CUX2: variants seen among roughly 807,000 people sequenced by gnomAD.
CUX2 encodes homeobox protein cut-like 2.
A neutral mutation model predicts 144.8 loss-of-function variants in CUX2; 40 were observed. The ratio of observed to expected loss-of-function variants is 0.28; its 90% CI spans 0.21 to 0.36. CUX2 has a LOEUF of 0.36. Ranked by LOEUF, CUX2 falls within the 10% of genes least tolerant of loss-of-function variation. The pLI is 1.00. For missense variants in CUX2, 1,615 were observed against 1,994.0 expected, an observed-to-expected ratio of 0.81 and a Z score of 3.62; for synonymous variants, 827 against 875.6, an observed-to-expected ratio of 0.94 and a Z score of 0.98.
chr12:111,112,602 G>T (rs1874042941), intron 1 of CUX2, among the ~76,000 whole-genome samples: 1 of 152,090 alleles, frequency 6.6e-6, no homozygotes. Context: ...TGTGTGCTTT[G>T]GGGACCTAAT....
In CUX2 at chr12:111,310,147, G is replaced by A. The variant is rs761817190; in HGVS notation, c.1365G>A (p.Leu455=). 13 of 1,539,364 alleles carry A rather than the reference G, an allele frequency of 8.4e-6. No individual in the cohort carries two copies. The highest frequency in any genetic ancestry group is 1.1e-5 in the Non-Finnish European group (13 of 1,144,146). The part of the protein sequence containing the change: ...LPPPPGPEDP[L]SPSPGQPLLG... Reference sequence around the variant, plus strand: ...CTCCACCAGGGCCAGAAGACCCCCTGTCTCCCAGCCCCGGGCAGCCCCTGC... The same window carrying A: ...CTCCACCAGGGCCAGAAGACCCCCTATCTCCCAGCCCCGGGCAGCCCCTGC... Residue 455 remains leucine (L), a synonymous_variant, in exon 15 of 22, where the codon CTG becomes CTA. Transcript: ENST00000261726. The surrounding 1 kb of genome is among the most constrained non-coding windows in gnomAD (Gnocchi z 7.9).
intron 1 of CUX2, among the ~76,000 whole-genome samples, chr12:111,172,084 C>T (rs1011953769): frequency 6.6e-6 from 1 of 151,254 alleles, no homozygotes; most frequent in Non-Finnish European, 1.5e-5. Flanking sequence ...TGCACCTGTG[C>T]GTATGCATGT....
chr12:111,054,836 A>C (rs1870443059), intron 1 of CUX2, among the ~76,000 whole-genome samples: 1 of 152,206 alleles, frequency 6.6e-6, no homozygotes, highest in African/African-American at 2.4e-5. Context: ...CATGTTGGCC[A>C]GGCTGGTCTT....
intron 4 of CUX2, among the ~76,000 whole-genome samples, chr12:111,286,685 C>T (rs753130423): frequency 6.6e-6 from 1 of 152,066 alleles, no homozygotes; most frequent in Non-Finnish European, 1.5e-5. Context: ...CCAGCCTGGC[C>T]AACATGATGA....
At chr12:111,252,854 G>C (rs116342218) in intron 3 of CUX2, among the ~76,000 whole-genome samples, 1,928 of 151,178 alleles carry the variant, frequency 0.013, 48 homozygotes, top group African/African-American at 0.044. Context: ...ATGAGCCCAG[G>C]AGTTCCAGAC....
intron 1 of CUX2, among the ~76,000 whole-genome samples, chr12:111,086,877 T>G (rs1269015715): frequency 6.6e-6 from 1 of 151,972 alleles, no homozygotes; most frequent in Non-Finnish European, 1.5e-5. Context: ...GGCTACCCTG[T>G]GCAACATAGC....
In CUX2 at chr12:111,289,740, A is replaced by T. The variant is rs552582156; in HGVS notation, c.302-1678A>T. ...TAGATGTGTGTTTTGCCCCCGAAAA[A>T]GTCCTTAACCAACAACGTGTGTCAC... On this transcript the variant is annotated intron_variant, in intron 4 of 21. Coordinates refer to ENST00000261726, the MANE Select transcript of CUX2 (RefSeq NM_015267.4). This position sits in a 1 kb window ranked among gnomAD's most constrained non-coding sequence, Gnocchi z 4.1. Among the ~76,000 whole-genome samples the T allele has an allele frequency of 1.3e-5, 2 of 152,058 alleles. No homozygotes were observed. Among genetic ancestry groups the T allele is most frequent in the East Asian group, 1.9e-4 (1 of 5,150 alleles).
intron 4 of CUX2, among the ~76,000 whole-genome samples, chr12:111,278,637 C>G (rs543766805): frequency 6.6e-6 from 1 of 152,286 alleles, no homozygotes; most frequent in South Asian, 2.1e-4. Context: ...CAGAGCAGGA[C>G]CCAGGGAAGG....
rs1177653286 is a variant in CUX2 at position 111,263,616 on chromosome 12, C to G, written c.223-145C>G. 1.4e-6 allele frequency: 1 copy of G among 712,012 alleles called. No homozygotes were observed. The allele number at this position is 712,012 out of a possible 1,614,324, so 44.1% of individuals were successfully genotyped here. On this transcript the variant is annotated intron_variant, in intron 3 of 21. Transcript: ENST00000261726. This position sits in a 1 kb window ranked among gnomAD's most constrained non-coding sequence, Gnocchi z 4.0. ...CTCCAGCCTGGGCGACAGAGCAAGA[C>G]TCTCTCTCAAAAACAAAACAAAACA...
At chr12:111,073,212 C>T (rs1871332501) in intron 1 of CUX2, among the ~76,000 whole-genome samples, 1 of 150,624 alleles carries the variant, frequency 6.6e-6, no homozygotes, top group African/African-American at 2.5e-5. Flanking sequence ...AGGGTGAACC[C>T]TGTGCCCACT....
chr12:111,070,824 G>A lies in CUX2; in HGVS notation c.63+36584G>A, dbSNP rs61439682. Among the ~76,000 whole-genome samples, 1,233 of 152,184 alleles carry A rather than the reference G, an allele frequency of 8.1e-3. 18 individuals carry two copies. Among genetic ancestry groups the A allele is most frequent in the African/African-American group, 0.029 (1,191 of 41,494 alleles). On this transcript the variant is annotated intron_variant, in intron 1 of 21. Coordinates refer to ENST00000261726, the MANE Select transcript of CUX2 (RefSeq NM_015267.4). ...ACCCTCTTACTGTCTCCATAGTTTT[G>A]CCTTTTCCAGAATTCCATATAGTTG...
chr12:111,130,973 A>G (rs773846497), intron 1 of CUX2, among the ~76,000 whole-genome samples: 37 of 152,212 alleles, frequency 2.4e-4, no homozygotes, highest in Non-Finnish European at 4.7e-4. Context: ...CATGTTCCCC[A>G]GATTTCTATC....
chr12:111,229,720 CAA>C (rs566074339), intron 3 of CUX2, among the ~76,000 whole-genome samples: 3 of 146,344 alleles, frequency 2.0e-5, no homozygotes, highest in Non-Finnish European at 3.0e-5. Flanking sequence ...TTGGTCTCTA[CAA>C]AAAAAAAAGT....
chr12:111,320,122 C>G lies in CUX2; in HGVS notation c.2113C>G (p.Gln705Glu). The change falls in exon 17 of 22, where the codon CAG becomes GAG. Residue 705 changes from glutamine (Q) to glutamate (E), a missense_variant. Gln to Glu is a conservative substitution (Grantham distance 29, BLOSUM62 2). This residue lies in a region of CUX2 where 390 missense variants were observed against 387.1 expected (regional missense o/e 1.01). Transcript: ENST00000261726. The surrounding 1 kb of genome is among the most constrained non-coding windows in gnomAD (Gnocchi z 8.1). ...CCTGGAGCAGGCACGCCGTGAGATG[C>G]AGGCGCAACAGCAGGCGCTGCTGGA... The part of the protein sequence containing the change: ...SILEQARREM[Q>E]AQQQALLEME... 6.4e-7 allele frequency: 1 copy of G among 1,556,610 alleles called. No homozygotes were observed. The highest frequency in any genetic ancestry group is 8.7e-7 in the Non-Finnish European group (1 of 1,154,500).
intron 14 of CUX2, 94 bp from the exon 15 acceptor site, chr12:111,309,947 C>G (rs1398947059): frequency 2.7e-6 from 3 of 1,118,982 alleles, no homozygotes; most frequent in Admixed American, 4.0e-5. Context: ...CTCTCTGTCT[C>G]TCTCCCCCTC....
At chr12:111,073,185 C>T in intron 1 of CUX2, among the ~76,000 whole-genome samples, 1 of 150,536 alleles carries the variant, frequency 6.6e-6, no homozygotes, top group East Asian at 1.9e-4. Context: ...CCAGTCACTA[C>T]CAACCACCCA....
At chr12:111,188,540 A>G (rs763379770) in intron 1 of CUX2, among the ~76,000 whole-genome samples, 1 of 152,136 alleles carries the variant, frequency 6.6e-6, no homozygotes, top group Non-Finnish European at 1.5e-5. Flanking sequence ...GGAAAAATCT[A>G]GGGAGAAAGA....
At chr12:111,334,823 C>G (rs1888274493) in intron 19 of CUX2, 113 bp downstream of exon 19, 1 of 1,194,464 alleles carries the variant, frequency 8.4e-7, no homozygotes, top group African/African-American at 1.5e-5. Flanking sequence ...AATTCCAGTG[C>G]TTTGGGAGGC....
At chr12:111,114,258 T>C (rs1035131978) in intron 1 of CUX2, among the ~76,000 whole-genome samples, 8 of 151,102 alleles carry the variant, frequency 5.3e-5, no homozygotes, top group Admixed American at 2.6e-4. Flanking sequence ...GATATTATCA[T>C]TTTTTTTTCT....
Sources: allele counts gnomAD v4.1 joint callset (sites outside exome capture counted in the v4.1 genomes callset), GRCh38; gene constraint gnomAD v4.1.1; regional missense constraint gnomAD v4.1.1; non-coding constraint Gnocchi (gnomAD v3.1); transcripts MANE v1.5; gene names NCBI Gene and HGNC (gene_info 2026-07-23, HGNC 2026-07-21).